CDH12: variants seen among roughly 807,000 people sequenced by gnomAD.
CDH12 encodes the protein cadherin-12.
CDH12 carries 41 observed loss-of-function variants against 74.1 expected under a neutral mutation model. The observed-to-expected ratio is 0.55, with a 90% CI of 0.43 to 0.72. The LOEUF is 0.72. Among genes scored for constraint, CDH12 ranks in the 30% least tolerant of loss-of-function variants. The pLI is 0.00. For synonymous variants in CDH12, 399 were observed against 355.0 expected (o/e 1.12, Z -1.39); for missense variants, 945 against 977.2 (o/e 0.97, Z 0.44).
intron 6 of CDH12, among the ~76,000 whole-genome samples, chr5:21,867,980 A>G (rs1579865151): frequency 1.3e-5 from 2 of 152,132 alleles, no homozygotes; most frequent in East Asian, 3.9e-4. Flanking sequence ...AGTTTCCCCC[A>G]TACTGTTCTC....
rs1491110042 is a variant in CDH12, at chr5:21,942,333, AGT to A, written c.526+32756_526+32757del. Reference sequence around the variant, plus strand: ...GCTCCAGCCACTATGAGACAAATACAGTATATATATATATACACACACACACA... The same window carrying A: ...GCTCCAGCCACTATGAGACAAATACAATATATATATATACACACACACACA... On this transcript the variant is annotated intron_variant, in intron 6 of 14. Coordinates refer to ENST00000382254, the MANE Select transcript of CDH12 (RefSeq NM_004061.5). 7.0e-4 allele frequency among the ~76,000 whole-genome samples: 68 copies of A among 96,850 alleles called. No homozygotes were observed. The East Asian group carries it at 0.016, about 23-fold the overall frequency. The allele number at this position is 96,850 out of a possible 152,430, so 63.5% of individuals were successfully genotyped here. A position where few individuals can be genotyped will look rare whatever the true frequency, so the allele number is the denominator to read the frequency against.
chr5:22,141,656 A>T (rs188677868), intron 4 of CDH12, among the ~76,000 whole-genome samples: 1 of 152,134 alleles, frequency 6.6e-6, no homozygotes, highest in African/African-American at 2.4e-5. Flanking sequence ...CAATTAGAAC[A>T]TGATGGTGGA....
chr5:22,554,801 G>A (rs1374546787), intron 1 of CDH12, among the ~76,000 whole-genome samples: 1 of 152,038 alleles, frequency 6.6e-6, no homozygotes, highest in Non-Finnish European at 1.5e-5. Context: ...GCTGTGATAT[G>A]AGTCATTTAC....
At chr5:21,782,606 C>T (rs990269620) in intron 11 of CDH12, among the ~76,000 whole-genome samples, 1 of 152,106 alleles carries the variant, frequency 6.6e-6, no homozygotes, top group Non-Finnish European at 1.5e-5. Context: ...TTTTTCCAAA[C>T]GTTTCAAGAG....
intron 1 of CDH12, among the ~76,000 whole-genome samples, chr5:22,540,665 T>C (rs1426186175): frequency 2.0e-5 from 3 of 152,198 alleles, no homozygotes; most frequent in South Asian, 2.1e-4. Context: ...AATTAACATA[T>C]GCTTCCACCT....
intron 6 of CDH12, among the ~76,000 whole-genome samples, chr5:21,949,004 C>T (rs902940034): frequency 2.6e-5 from 4 of 152,108 alleles, no homozygotes; most frequent in Non-Finnish European, 4.4e-5. Flanking sequence ...CCTCCTCAGC[C>T]ATGCAGAACT....
chr5:21,792,951 C>T (rs1279324293), intron 10 of CDH12, among the ~76,000 whole-genome samples: 1 of 151,748 alleles, frequency 6.6e-6, no homozygotes. Context: ...TAATACCTGA[C>T]TAAATAAGTA....
chr5:22,074,702 T>A (rs1263227977), intron 5 of CDH12, among the ~76,000 whole-genome samples: 1 of 151,866 alleles, frequency 6.6e-6, no homozygotes, highest in Non-Finnish European at 1.5e-5. Context: ...AAAAGACACA[T>A]GAAAAAATGC....
intron 1 of CDH12, among the ~76,000 whole-genome samples, chr5:22,706,382 T>C (rs1221770979): frequency 6.6e-6 from 1 of 152,034 alleles, no homozygotes; most frequent in African/African-American, 2.4e-5. Context: ...TCATAATTCA[T>C]TCATAAATCA....
At chr5:21,767,126 C>A (rs1745070729) in intron 11 of CDH12, among the ~76,000 whole-genome samples, 1 of 151,802 alleles carries the variant, frequency 6.6e-6, no homozygotes, top group South Asian at 2.1e-4. Context: ...TACTCAACAT[C>A]TGGGTAATGT....
At chr5:22,446,279 C>A (rs967633290) in intron 2 of CDH12, among the ~76,000 whole-genome samples, 2 of 152,102 alleles carry the variant, frequency 1.3e-5, no homozygotes, top group African/African-American at 4.8e-5. Context: ...GGTTTCCTCT[C>A]AATCCCCACA....
intron 2 of CDH12, among the ~76,000 whole-genome samples, chr5:22,499,728 A>T (rs931940791): frequency 1.3e-5 from 2 of 152,130 alleles, no homozygotes; most frequent in Non-Finnish European, 2.9e-5. Context: ...AAGTAGCCCA[A>T]ATTACAGTAT....
chr5:22,150,922 A>G (rs1010788080), intron 4 of CDH12, among the ~76,000 whole-genome samples: 2 of 152,260 alleles, frequency 1.3e-5, no homozygotes, highest in Non-Finnish European at 2.9e-5. Context: ...GGCTCCCTCC[A>G]CAAGGCACTA....
At chr5:22,698,971 A>C (rs1484650351) in intron 1 of CDH12, among the ~76,000 whole-genome samples, 1 of 151,790 alleles carries the variant, frequency 6.6e-6, no homozygotes, top group Admixed American at 6.6e-5. Flanking sequence ...AAGACAGAAA[A>C]ATTGTGTATT....
In CDH12 at chr5:21,918,772, T is replaced by A. The variant is rs187004246; in HGVS notation, c.526+56319A>T. Among the ~76,000 whole-genome samples the A allele has an allele frequency of 6.6e-5, 10 of 152,292 alleles. No homozygotes were observed. The South Asian group carries it at 1.7e-3, about 25-fold the overall frequency. ...TTTTGGGCAGGAACACAGAATGATA[T>A]CATTTGAAAACATTTTTGGTATAAA... On this transcript the variant is annotated intron_variant, in intron 6 of 14. Transcript: ENST00000382254.
chr5:22,556,913 C>T (rs558500923), intron 1 of CDH12, among the ~76,000 whole-genome samples: 1 of 152,128 alleles, frequency 6.6e-6, no homozygotes, highest in Non-Finnish European at 1.5e-5. Context: ...ATCTTTCAAT[C>T]TCTGTTGGAA....
chr5:21,852,717 C>A (rs1222479492), intron 7 of CDH12, among the ~76,000 whole-genome samples: 1 of 151,356 alleles, frequency 6.6e-6, no homozygotes, highest in East Asian at 1.9e-4. Context: ...TAGAATTTAT[C>A]ATTGTAATCC....
intron 4 of CDH12, among the ~76,000 whole-genome samples, chr5:22,116,468 G>A (rs766610667): frequency 1.3e-5 from 2 of 152,176 alleles, no homozygotes; most frequent in Non-Finnish European, 2.9e-5. Context: ...AGCCAGGCGT[G>A]GTGGCGCGTG....
chr5:21,760,758 C>T (rs1744675915), intron 12 of CDH12, 83 bp from the exon 13 acceptor site: 1 of 819,268 alleles, frequency 1.2e-6, no homozygotes, highest in Non-Finnish European at 2.1e-6. Context: ...TTTAATGAAG[C>T]ATGCAAGTAG....
Sources: allele counts gnomAD v4.1 joint callset (sites outside exome capture counted in the v4.1 genomes callset), GRCh38; gene constraint gnomAD v4.1.1; transcripts MANE v1.5; gene names NCBI Gene and HGNC (gene_info 2026-07-23, HGNC 2026-07-21).